EYS: variants seen among roughly 807,000 people sequenced by gnomAD.
The protein encoded by EYS is EGF-like photoreceptor maintenance factor, also known as protein eyes shut homolog.
EYS carries 250 observed loss-of-function variants against 282.1 expected under a neutral mutation model. The observed-to-expected ratio is 0.89, with a 90% CI of 0.80 to 0.98. EYS has a LOEUF of 0.98. EYS is among the 50% of genes least tolerant of loss of function. The pLI, the probability that EYS is intolerant of heterozygous loss-of-function variation, is 0.00. For missense variants in EYS, 4,016 were observed against 3,709.0 expected (o/e 1.08, Z -2.15); for synonymous variants, 1,355 against 1,282.9 (o/e 1.06, Z -1.20).
intron 22 of EYS, among the ~76,000 whole-genome samples, chr6:64,686,760 T>C (rs1168760319): frequency 7.9e-5 from 1 of 12,714 alleles, no homozygotes; most frequent in East Asian, 1.5e-3. Context: ...TATATATATA[T>C]ATGTGTGTAT....
intron 29 of EYS, among the ~76,000 whole-genome samples, chr6:64,316,331 C>G (rs2150381495): frequency 6.6e-6 from 1 of 152,160 alleles, no homozygotes; most frequent in South Asian, 2.1e-4. Flanking sequence ...TCGTCTCAGC[C>G]CAAAATCTCC....
chr6:65,577,092 C>T (rs1012428945), intron 2 of EYS, among the ~76,000 whole-genome samples: 81 of 151,588 alleles, frequency 5.3e-4, no homozygotes, highest in Non-Finnish European at 1.5e-5. Context: ...TGAAAACACA[C>T]ACAAGAAAAC....
At chr6:64,749,598 A>G (rs929638156) in intron 22 of EYS, among the ~76,000 whole-genome samples, 1 of 152,220 alleles carries the variant, frequency 6.6e-6, no homozygotes, top group Admixed American at 6.5e-5. Context: ...TAATTCAACG[A>G]CTATTCTAAA....
At chr6:63,795,225 T>A (rs1388125001) in intron 37 of EYS, among the ~76,000 whole-genome samples, 1 of 152,190 alleles carries the variant, frequency 6.6e-6, no homozygotes, top group African/African-American at 2.4e-5. Flanking sequence ...GCAAATCTCA[T>A]GGGGCAACAA....
intron 37 of EYS, among the ~76,000 whole-genome samples, chr6:63,804,579 A>G (rs1457047250): frequency 6.6e-6 from 1 of 152,212 alleles, no homozygotes; most frequent in African/African-American, 2.4e-5. Flanking sequence ...CCTCTGAGAC[A>G]GGAAAGCACT....
intron 28 of EYS, among the ~76,000 whole-genome samples, chr6:64,434,137 A>G (rs549208702): frequency 7.0e-6 from 1 of 143,140 alleles, no homozygotes; most frequent in South Asian, 2.1e-4. Flanking sequence ...GGAAATTAGG[A>G]GATAGACACA....
At chr6:63,892,156 A>C (rs1316630230) in intron 35 of EYS, among the ~76,000 whole-genome samples, 1 of 152,236 alleles carries the variant, frequency 6.6e-6, no homozygotes, top group African/African-American at 2.4e-5. Flanking sequence ...CATACTGCCC[A>C]AATTAATTTA....
intron 22 of EYS, among the ~76,000 whole-genome samples, chr6:64,710,477 C>T (rs969646699): frequency 6.6e-6 from 1 of 152,200 alleles, no homozygotes; most frequent in Non-Finnish European, 1.5e-5. Context: ...CAATAGGGAC[C>T]TCACAAGGAG....
intron 26 of EYS, among the ~76,000 whole-genome samples, chr6:64,579,611 GTCC>G (rs1765996566): frequency 6.6e-6 from 1 of 152,098 alleles, no homozygotes; most frequent in East Asian, 1.9e-4. Context: ...CCTTATAAAT[GTCC>G]TCCACAAGCC....
intron 2 of EYS, among the ~76,000 whole-genome samples, chr6:65,588,271 T>C (rs146919435): frequency 1.0e-3 from 159 of 151,866 alleles, no homozygotes; most frequent in African/African-American, 2.4e-3. Flanking sequence ...TTTTACTGAT[T>C]TTTTTCTCCC....
chr6:65,517,202 A>G (rs1267836706), intron 2 of EYS, among the ~76,000 whole-genome samples: 1 of 151,920 alleles, frequency 6.6e-6, no homozygotes, highest in Non-Finnish European at 1.5e-5. Context: ...AGGATATTAT[A>G]TTATTTTATT....
chr6:64,661,799 T>G lies in EYS; in HGVS notation c.3444-35554A>C, dbSNP rs1462707225. ...CACTGTTGGTGGGACTGTAAACTAG[T>G]TCAACCATTGTGGAATTCAGTGTGG... On this transcript the variant is annotated intron_variant, in intron 22 of 42. Coordinates refer to ENST00000503581, the MANE Select transcript of EYS (RefSeq NM_001142800.2). Among the ~76,000 whole-genome samples, 12 of 136,300 alleles carry G rather than the reference T, an allele frequency of 8.8e-5. No individual in the cohort carries two copies. The East Asian group carries it at 1.7e-3, about 19-fold the overall frequency. 89.4% of individuals were successfully genotyped at this position (136,300 alleles called of 152,430 possible).
In EYS at chr6:63,782,730, G is replaced by T. The variant is rs545413938; in HGVS notation, c.7724-4550C>A. Among the ~76,000 whole-genome samples the T allele has an allele frequency of 1.0e-3, 159 of 152,048 alleles. 2 individuals carry two copies. The South Asian group carries it at 0.031, about 30-fold the overall frequency. On this transcript the variant is annotated intron_variant, in intron 39 of 42. Transcript: ENST00000503581. ...CTGGATTCATTGATTTTTTGAAGGG[G>T]TTTTTGTGTCTCTATCTCCTTCAGT...
At chr6:63,989,133 T>C (rs1013491261) in intron 34 of EYS, among the ~76,000 whole-genome samples, 8 of 151,654 alleles carry the variant, frequency 5.3e-5, no homozygotes, top group Non-Finnish European at 1.0e-4. Flanking sequence ...ATTATAAATA[T>C]ACTTTTCGGT....
At chr6:65,638,215 C>T (rs746469417) in intron 2 of EYS, among the ~76,000 whole-genome samples, 1 of 152,116 alleles carries the variant, frequency 6.6e-6, no homozygotes, top group Non-Finnish European at 1.5e-5. Context: ...TAAGGATGAC[C>T]TGTCTGCAGA....
intron 31 of EYS, among the ~76,000 whole-genome samples, chr6:64,176,250 G>A (rs1158344505): frequency 6.6e-6 from 1 of 152,058 alleles, no homozygotes; most frequent in Non-Finnish European, 1.5e-5. Flanking sequence ...TGAATCAAAG[G>A]AGAACCCCAG....
intron 12 of EYS, among the ~76,000 whole-genome samples, chr6:65,276,068 T>A (rs989821962): frequency 6.6e-6 from 1 of 152,134 alleles, no homozygotes; most frequent in Admixed American, 6.5e-5. Context: ...TGCTCATAGA[T>A]TTCCCTGGTC....
intron 22 of EYS, among the ~76,000 whole-genome samples, chr6:64,717,463 A>T (rs1771434538): frequency 1.3e-5 from 2 of 152,154 alleles, no homozygotes; most frequent in Non-Finnish European, 2.9e-5. Context: ...TTGGGCTCCT[A>T]TCAGAATTTA....
At chr6:65,184,983 T>C (rs1765481598) in intron 12 of EYS, among the ~76,000 whole-genome samples, 1 of 150,756 alleles carries the variant, frequency 6.6e-6, no homozygotes, top group South Asian at 2.1e-4. Flanking sequence ...TAGTATGTAA[T>C]AAAAATAAAT....
Sources: allele counts gnomAD v4.1 joint callset (sites outside exome capture counted in the v4.1 genomes callset), GRCh38; gene constraint gnomAD v4.1.1; transcripts MANE v1.5; gene names NCBI Gene and HGNC (gene_info 2026-07-23, HGNC 2026-07-21).